The following CPM variants were observed in gnomAD, a reference collection of about 807,000 sequenced individuals.
CPM encodes renal carboxypeptidase.
CPM carries 35 observed loss-of-function variants against 46.4 expected under a neutral mutation model. The observed-to-expected ratio is 0.75, with a 90% CI of 0.58 to 1.00. The LOEUF (loss-of-function observed/expected upper bound fraction) is 1.00, where lower values mean the gene tolerates loss of function less well. CPM is among the 50% of genes least tolerant of loss of function. The pLI is 0.00. For missense variants in CPM, 422 were observed against 530.4 expected (o/e 0.80, Z 2.01); for synonymous variants, 195 against 195.3 (o/e 1.00, Z 0.01).
intron 3 of CPM, 82 bp downstream of exon 3, chr12:68,885,710 T>G: frequency 8.8e-7 from 1 of 1,132,334 alleles, no homozygotes; most frequent in South Asian, 1.4e-5. Context: ...CCAGGCTTCC[T>G]CGGTAGCATT....
At chr12:68,889,904 A>C (rs956804998) in intron 2 of CPM, among the ~76,000 whole-genome samples, 7 of 152,136 alleles carry the variant, frequency 4.6e-5, no homozygotes, top group Non-Finnish European at 8.8e-5. Flanking sequence ...CCTGATCGAG[A>C]AACAGGCCAC....
In CPM at chr12:68,859,033, A is replaced by G; in HGVS notation, c.979T>C (p.Leu327=). ...TGGACTTCCACAATTACATTGGGTA[A>G]TGGATTTCCATTCTGATCAAAAACT... is the stretch of plus-strand genomic sequence containing the variant. ...GQVFDQNGNP[L]PNVIVEVQDR... The change falls in exon 8 of 9, where the codon TTA becomes CTA. Residue 327 remains leucine (L), a synonymous_variant. Coordinates refer to ENST00000551568, the MANE Select transcript of CPM (RefSeq NM_198320.5). 1 of 1,557,762 alleles carries G rather than the reference A, an allele frequency of 6.4e-7. No homozygotes were observed. The highest frequency in any genetic ancestry group is 1.3e-5 in the South Asian group (1 of 79,200).
In CPM at chr12:68,853,696, T is replaced by C. The variant is rs1884828904; in HGVS notation, c.*2741A>G. 1 of 150,118 alleles carries C rather than the reference T, an allele frequency of 6.7e-6. No homozygotes were observed. Among genetic ancestry groups the C allele is most frequent in the Admixed American group, 6.6e-5 (1 of 15,040 alleles). 9.3% of individuals were successfully genotyped at this position (150,118 alleles called of 1,614,324 possible). A position where few individuals can be genotyped will look rare whatever the true frequency, so the allele number is the denominator to read the frequency against. On this transcript the variant is annotated 3_prime_UTR_variant, in exon 9 of 9. Transcript: ENST00000551568. ...ACTTCTAGAAATCAGCCTATATTAC[T>C]GTCACACTGGGGATTAAGTAAAAAA... is the stretch of plus-strand genomic sequence containing the variant.
intron 1 of CPM, among the ~76,000 whole-genome samples, chr12:68,956,340 C>T (rs1330788031): frequency 6.6e-6 from 1 of 152,188 alleles, no homozygotes; most frequent in East Asian, 1.9e-4. Context: ...GGGTCTGTAG[C>T]CAGGGCTGGG....
At chr12:68,923,158 AGAGTGTGTGT>A (rs1467925530) in intron 2 of CPM, among the ~76,000 whole-genome samples, 7,103 of 131,806 alleles carry the variant, frequency 0.054, 255 homozygotes, top group Admixed American at 0.076. Context: ...TATTTGATAT[AGAGTGTGTGT>A]GTGTGTGTGT....
At chr12:68,857,686 T>G (rs1357515299) in intron 8 of CPM, among the ~76,000 whole-genome samples, 1 of 152,204 alleles carries the variant, frequency 6.6e-6, no homozygotes, top group African/African-American at 2.4e-5. Context: ...TTTTACACAT[T>G]CATTTCAATG....
intron 2 of CPM, among the ~76,000 whole-genome samples, chr12:68,889,881 G>A (rs2904508): frequency 0.82 from 124,387 of 152,052 alleles, 51,439 homozygotes; most frequent in Non-Finnish European, 0.88. Flanking sequence ...TACCCTGGAC[G>A]AAGACATGTA....
At chr12:68,911,054 T>C (rs1454550172) in intron 2 of CPM, among the ~76,000 whole-genome samples, 5 of 152,234 alleles carry the variant, frequency 3.3e-5, no homozygotes, top group South Asian at 2.1e-4. Flanking sequence ...GATGATTTGC[T>C]ATACGGCATC....
intron 1 of CPM, among the ~76,000 whole-genome samples, chr12:68,950,722 AG>A (rs1320821832): frequency 6.6e-6 from 1 of 152,146 alleles, no homozygotes; most frequent in Non-Finnish European, 1.5e-5. Flanking sequence ...CGCGACCCCC[AG>A]GCCAGGTGTG....
chr12:68,936,040 G>A (rs1042946399), upstream of CPM, among the ~76,000 whole-genome samples: 2 of 152,076 alleles, frequency 1.3e-5, no homozygotes, highest in African/African-American at 4.8e-5. Flanking sequence ...AGGAAGGGAG[G>A]CAACTTCAGG....
chr12:68,923,414 G>A (rs2136310174), intron 2 of CPM, among the ~76,000 whole-genome samples: 1 of 152,244 alleles, frequency 6.6e-6, no homozygotes, highest in East Asian at 1.9e-4. Context: ...CAGGGATTAA[G>A]AACAGAAACT....
intron 2 of CPM, among the ~76,000 whole-genome samples, chr12:68,898,864 G>T (rs1247301705): frequency 6.6e-6 from 1 of 152,176 alleles, no homozygotes; most frequent in Non-Finnish European, 1.5e-5. Flanking sequence ...CCCTCATGGG[G>T]TTGTTGTGCT....
rs200109630 is a variant in CPM, at chr12:68,871,803, A to G, written c.412T>C (p.Cys138Arg). The change falls in exon 4 of 9, where the codon TGT becomes CGT. Residue 138 changes from cysteine to arginine, a missense_variant. Coordinates refer to ENST00000551568, the MANE Select transcript of CPM (RefSeq NM_198320.5). Reference protein sequence around the residue: ...DGFEAVKKPDCYYSIGRENYN... With the variant: ...DGFEAVKKPDRYYSIGRENYN... ...CTTTACCTTCCGATGCTGTAATAACAGTCAGGCTTTTTGACGGCTTCAAAT... is the reference window on the plus strand; with the variant it reads ...CTTTACCTTCCGATGCTGTAATAACGGTCAGGCTTTTTGACGGCTTCAAAT... The G allele has an allele frequency of 1.4e-5, 22 of 1,614,198 alleles. No individual in the cohort carries two copies. Among genetic ancestry groups the G allele is most frequent in the Non-Finnish European group, 1.6e-5 (19 of 1,180,018 alleles).
chr12:68,858,488 G>T (rs1425656442), intron 8 of CPM, among the ~76,000 whole-genome samples: 1 of 152,128 alleles, frequency 6.6e-6, no homozygotes, highest in African/African-American at 2.4e-5. Context: ...AAAATTTGTG[G>T]ATCAGATTTC....
intron 1 of CPM, among the ~76,000 whole-genome samples, chr12:68,950,421 A>G (rs1888915646): frequency 6.6e-6 from 1 of 152,230 alleles, no homozygotes. Flanking sequence ...TAGGAGAGAA[A>G]GGGAAATAGA....
At chr12:68,870,495 T>C (rs1885646171) in intron 4 of CPM, 96 bp from the exon 5 acceptor site, 6 of 1,099,576 alleles carry the variant, frequency 5.5e-6, no homozygotes, top group Non-Finnish European at 6.5e-6. Flanking sequence ...CAGGTGTCTT[T>C]CCAAACGTGA....
chr12:68,953,514 C>G (rs1442479998), intron 1 of CPM, among the ~76,000 whole-genome samples: 1 of 152,166 alleles, frequency 6.6e-6, no homozygotes, highest in Non-Finnish European at 1.5e-5. Context: ...TTACAAAATA[C>G]CTACTATGTA....
downstream of CPM, chr12:68,846,928 A>T: frequency 6.6e-6 from 1 of 151,482 alleles, no homozygotes; most frequent in Middle Eastern, 3.2e-3. Flanking sequence ...ACTCGACCAT[A>T]ATCACCCCAA....
chr12:68,893,720 C>A (rs1342403962), intron 2 of CPM, among the ~76,000 whole-genome samples: 1 of 152,214 alleles, frequency 6.6e-6, no homozygotes, highest in Non-Finnish European at 1.5e-5. Context: ...AATAGGCAGG[C>A]ATTTGACTCC....
Sources: gnomAD v4.1 joint callset for allele counts (sites outside exome capture counted in the v4.1 genomes callset) on GRCh38, gnomAD v4.1.1 for gene constraint, MANE v1.5 for transcripts, NCBI Gene and HGNC (gene_info 2026-07-23, HGNC 2026-07-21) for gene names.